The following ITSN2 variants were observed in gnomAD, a reference collection of about 807,000 sequenced individuals.
ITSN2 encodes intersectin 2, also known as intersectin-2.
Under a neutral mutation model 243.7 loss-of-function variants are expected in ITSN2, and 156 were observed. That is an observed-to-expected ratio of 0.64 (90% confidence interval 0.56 to 0.73). The LOEUF is 0.73. Ranked by LOEUF, ITSN2 falls within the 30% of genes least tolerant of loss-of-function variation. The pLI is 0.00. For synonymous variants in ITSN2, 703 were observed against 699.9 expected (o/e 1.00, Z -0.07); for missense variants, 1,801 against 1,996.1 (o/e 0.90, Z 1.86).
intron 37 of ITSN2, among the ~76,000 whole-genome samples, chr2:24,206,902 C>T (rs1342199574): frequency 1.3e-5 from 2 of 151,902 alleles, no homozygotes; most frequent in African/African-American, 2.4e-5. Context: ...TTGACGTGGG[C>T]CTTGAAGGAT....
intron 29 of ITSN2, among the ~76,000 whole-genome samples, chr2:24,242,775 T>TA (rs1672881283): frequency 6.6e-6 from 1 of 152,164 alleles, no homozygotes; most frequent in South Asian, 2.1e-4. Flanking sequence ...ATTACAGAAT[T>TA]GAGAGCCCTT....
chr2:24,204,614 T>G lies in ITSN2; in HGVS notation c.4763-196A>C. Reference sequence around the variant, plus strand: ...AAGTTCCCAGTGCTGACAGCAGCATTAACTGGGGAGTGGCCGAGAGCTCCA... The same window carrying G: ...AAGTTCCCAGTGCTGACAGCAGCATGAACTGGGGAGTGGCCGAGAGCTCCA... On this transcript the variant is annotated intron_variant, in intron 38 of 39. Transcript: ENST00000355123. The surrounding 1 kb of genome is among the most constrained non-coding windows in gnomAD (Gnocchi z 5.1). 1 of 670,096 alleles carries G rather than the reference T, an allele frequency of 1.5e-6. No homozygotes were observed. The highest frequency in any genetic ancestry group is 2.7e-6 in the Non-Finnish European group (1 of 364,950). 41.5% of individuals were successfully genotyped at this position (670,096 alleles called of 1,614,324 possible).
chr2:24,356,367 G>GA (rs1423602748), intron 1 of ITSN2, among the ~76,000 whole-genome samples: 1 of 144,092 alleles, frequency 6.9e-6, no homozygotes, highest in African/African-American at 2.5e-5. Flanking sequence ...AAAAAAGAAA[G>GA]AAAAAAAGAA....
intron 32 of ITSN2, among the ~76,000 whole-genome samples, chr2:24,215,496 G>A (rs762501453): frequency 2.6e-5 from 4 of 151,840 alleles, no homozygotes; most frequent in South Asian, 4.1e-4. Flanking sequence ...GTGAAACCCC[G>A]TCTCTACTAA....
intron 8 of ITSN2, among the ~76,000 whole-genome samples, chr2:24,306,210 C>A (rs933317220): frequency 6.6e-6 from 1 of 152,026 alleles, no homozygotes; most frequent in African/African-American, 2.4e-5. Flanking sequence ...AAACTCCTGA[C>A]CTCAAGTGAT....
chr2:24,323,092 C>T (rs979940695), intron 2 of ITSN2, among the ~76,000 whole-genome samples: 1 of 151,578 alleles, frequency 6.6e-6, no homozygotes, highest in Non-Finnish European at 1.5e-5. Context: ...CAAACAACCG[C>T]AACTCATATA....
intron 29 of ITSN2, among the ~76,000 whole-genome samples, chr2:24,222,038 G>A (rs543754011): frequency 6.6e-6 from 1 of 152,210 alleles, no homozygotes; most frequent in South Asian, 2.1e-4. Flanking sequence ...GTATCACGAG[G>A]TCAGGAGATC....
chr2:24,209,337 T>G, intron 35 of ITSN2, 116 bp from the exon 36 acceptor site: 1 of 1,191,410 alleles, frequency 8.4e-7, no homozygotes, highest in East Asian at 2.4e-5. Flanking sequence ...GAGAAAGGGG[T>G]CTAGCGTCTA....
intron 22 of ITSN2, among the ~76,000 whole-genome samples, chr2:24,258,881 A>G (rs1048865347): frequency 9.8e-5 from 15 of 152,320 alleles, no homozygotes; most frequent in South Asian, 4.1e-4. Context: ...CTAAACAGCT[A>G]ACATCAAGCC....
chr2:24,339,185 C>T (rs1450752236), intron 1 of ITSN2, among the ~76,000 whole-genome samples: 1 of 152,102 alleles, frequency 6.6e-6, no homozygotes, highest in Non-Finnish European at 1.5e-5. Context: ...AAAGAAGTCA[C>T]TTCATCTTAA....
At chr2:24,299,778 G>C (rs909386502) in intron 12 of ITSN2, 131 bp downstream of exon 12, 29 of 736,404 alleles carry the variant, frequency 3.9e-5, no homozygotes, top group Admixed American at 1.4e-4. Flanking sequence ...GATTTGTATA[G>C]GGTAAGAATG....
chr2:24,316,951 G>C (rs1574288910), intron 2 of ITSN2, among the ~76,000 whole-genome samples: 1 of 152,186 alleles, frequency 6.6e-6, no homozygotes, highest in African/African-American at 2.4e-5. Context: ...TCTCTAGCCT[G>C]ATAGTCCCAT....
chr2:24,337,891 T>C, intron 1 of ITSN2, among the ~76,000 whole-genome samples: 1 of 152,176 alleles, frequency 6.6e-6, no homozygotes, highest in South Asian at 2.1e-4. Flanking sequence ...TGCTGATCAG[T>C]TGAGAAAAGT....
At chr2:24,263,254 G>A (rs1676150553) in intron 20 of ITSN2, among the ~76,000 whole-genome samples, 2 of 151,984 alleles carry the variant, frequency 1.3e-5, no homozygotes, top group African/African-American at 4.8e-5. Flanking sequence ...GACCCCCACT[G>A]TCTAGCATAG....
At chr2:24,296,270 T>A (rs1035522623) in intron 13 of ITSN2, among the ~76,000 whole-genome samples, 6 of 152,180 alleles carry the variant, frequency 3.9e-5, no homozygotes, top group Non-Finnish European at 7.3e-5. Context: ...TTCTGTTCTA[T>A]ACTAATATTC....
intron 13 of ITSN2, among the ~76,000 whole-genome samples, chr2:24,297,119 G>T (rs1333613817): frequency 6.6e-6 from 1 of 152,096 alleles, no homozygotes; most frequent in East Asian, 1.9e-4. Flanking sequence ...ATTAATACTT[G>T]TGGTATGTAT....
chr2:24,209,718 G>A (rs1669280542), intron 35 of ITSN2, 100 bp downstream of exon 35: 2 of 896,528 alleles, frequency 2.2e-6, no homozygotes, highest in Admixed American at 4.0e-5. Context: ...CAGGTGAGGA[G>A]GGTCCCGTAA....
At chr2:24,246,653 A>G in intron 28 of ITSN2, 144 bp downstream of exon 28, 1 of 608,354 alleles carries the variant, frequency 1.6e-6, no homozygotes, top group Middle Eastern at 2.7e-4. Flanking sequence ...TTCAGAAAGG[A>G]AATTCTCAGT....
At chr2:24,320,321 C>T (rs1684410433) in intron 2 of ITSN2, among the ~76,000 whole-genome samples, 1 of 151,066 alleles carries the variant, frequency 6.6e-6, no homozygotes, top group South Asian at 2.1e-4. Context: ...AGATCGAGAC[C>T]ATCCTGGCTA....
Sources: allele counts gnomAD v4.1 joint callset (sites outside exome capture counted in the v4.1 genomes callset), GRCh38; gene constraint gnomAD v4.1.1; non-coding constraint Gnocchi (gnomAD v3.1); transcripts MANE v1.5; gene names NCBI Gene and HGNC (gene_info 2026-07-23, HGNC 2026-07-21).